The following TMEM156 variants were observed in gnomAD, a reference collection of about 807,000 sequenced individuals.
TMEM156 encodes transmembrane protein 156.
A neutral mutation model predicts 30.5 loss-of-function variants in TMEM156; 28 were observed. That is an observed-to-expected ratio of 0.92 (90% CI 0.68 to 1.26). The LOEUF (loss-of-function observed/expected upper bound fraction) is 1.26. Ranked by LOEUF, TMEM156 falls within the 50% of genes most tolerant of loss-of-function variation. The pLI, the probability that TMEM156 is intolerant of heterozygous loss-of-function variation, is 0.00. For synonymous variants in TMEM156, 137 were observed against 119.9 expected (o/e 1.14, Z -0.93); for missense variants, 351 against 340.6 (o/e 1.03, Z -0.24).
rs138999373 is a variant in TMEM156, at chr4:39,025,250, C to A, written c.88+6976G>T. The stretch of plus-strand genomic sequence containing the variant: ...GTAATCCCAGCTACTTGGCAGGCTG[C>A]GGCAGAAGAATCGCTTGAACATGGG... On this transcript the variant is annotated intron_variant, in intron 1 of 6. Transcript: ENST00000381938. 3.1e-3 allele frequency among the ~76,000 whole-genome samples: 444 copies of A among 145,076 alleles called. 4 individuals carry two copies. The highest frequency in any genetic ancestry group is 0.011 in the African/African-American group (427 of 39,524).
rs937612766 is a variant in TMEM156, at chr4:39,032,240, A to C, written c.74T>G (p.Phe25Cys). 121 of 1,604,762 alleles carry C rather than the reference A, an allele frequency of 7.5e-5. No individual in the cohort carries two copies. Among genetic ancestry groups the C allele is most frequent in the Non-Finnish European group, 9.6e-5 (113 of 1,173,610 alleles). Residue 25 changes from phenylalanine (F) to cysteine (C), a missense_variant, in exon 1 of 7, where the codon TTC becomes TGC. Transcript: ENST00000381938. ...TATATACTCACCTTTCGGTGTCTTG[A>C]AATATTCCGGCAAAATTAAAATGAA... ...ITFILILPEYFKTPKERTLEL... is the reference protein window; with the variant it reads ...ITFILILPEYCKTPKERTLEL...
rs186265177 is a variant in TMEM156 at position 38,993,050 on chromosome 4, C to T, written c.619+688G>A. On this transcript the variant is annotated intron_variant, in intron 3 of 6. Coordinates refer to ENST00000381938, the MANE Select transcript of TMEM156 (RefSeq NM_024943.3). ...TGCTGGGATTACAGGTGTGAGCCAC[C>T]GCACCCAGCCAATATTCATATTTTA... 3.9e-3 allele frequency among the ~76,000 whole-genome samples: 592 copies of T among 151,546 alleles called. 7 individuals carry two copies. The highest frequency in any genetic ancestry group is 0.014 in the African/African-American group (567 of 41,310).
At chr4:38,970,989 G>T in intron 6 of TMEM156, 43 bp downstream of exon 6, 1 of 1,282,234 alleles carries the variant, frequency 7.8e-7, no homozygotes, top group Non-Finnish European at 1.1e-6. Context: ...GAATTTATCT[G>T]TGTTTATAAT....
intron 6 of TMEM156, among the ~76,000 whole-genome samples, chr4:38,969,532 A>C (rs553287291): frequency 1.3e-5 from 2 of 152,334 alleles, no homozygotes; most frequent in South Asian, 4.1e-4. Context: ...TGCTACAATA[A>C]ACATGTGAGT....
At chr4:39,010,367 T>C (rs1560378899) in intron 1 of TMEM156, among the ~76,000 whole-genome samples, 1 of 152,120 alleles carries the variant, frequency 6.6e-6, no homozygotes, top group Non-Finnish European at 1.5e-5. Context: ...AAATTACCAA[T>C]GTCACTTTTC....
chr4:38,972,681 G>A (rs1230945184), intron 5 of TMEM156, among the ~76,000 whole-genome samples: 3 of 151,872 alleles, frequency 2.0e-5, no homozygotes, highest in African/African-American at 7.3e-5. Context: ...AATTTATTCT[G>A]AATGAGCCTG....
intron 5 of TMEM156, 84 bp downstream of exon 5, chr4:38,986,252 C>A: frequency 1.1e-6 from 1 of 945,400 alleles, no homozygotes; most frequent in South Asian, 1.3e-5. Context: ...GCTCAGATCT[C>A]AGATCTTGAG....
chr4:38,989,979 G>T (rs1712303679), intron 3 of TMEM156, among the ~76,000 whole-genome samples: 1 of 152,034 alleles, frequency 6.6e-6, no homozygotes, highest in African/African-American at 2.4e-5. Context: ...ATTTTTAGTA[G>T]AGATGGGGTT....
chr4:38,980,861 G>A, intron 5 of TMEM156: 1 of 895,462 alleles, frequency 1.1e-6, no homozygotes. Flanking sequence ...TGAAGGAGAT[G>A]TTTATGTGCA....
chr4:39,030,087 T>G (rs1243638422), intron 1 of TMEM156, among the ~76,000 whole-genome samples: 3 of 151,638 alleles, frequency 2.0e-5, no homozygotes, highest in Non-Finnish European at 4.4e-5. Context: ...TGTGGTGGTA[T>G]GTGCCTGTAG....
intron 1 of TMEM156, among the ~76,000 whole-genome samples, chr4:39,030,074 G>A (rs914002780): frequency 2.6e-5 from 4 of 151,734 alleles, no homozygotes; most frequent in Non-Finnish European, 5.9e-5. Flanking sequence ...AAATCCACCT[G>A]AGTGTGGTGG....
chr4:38,978,191 T>TA (rs1222033947), intron 5 of TMEM156, among the ~76,000 whole-genome samples: 4 of 152,122 alleles, frequency 2.6e-5, no homozygotes, highest in African/African-American at 7.2e-5. Flanking sequence ...CATTTTTTTT[T>TA]ATTCTCTTAT....
rs2109854350 is a variant in TMEM156, at chr4:38,970,982, T to A, written c.*38+50A>T. 1.1e-5 allele frequency: 13 copies of A among 1,237,632 alleles called. No individual in the cohort carries two copies. In the South Asian group the frequency reaches 1.7e-4, roughly 16 times the overall value. The allele number at this position is 1,237,632 out of a possible 1,614,324, so 76.7% of individuals were successfully genotyped here. ...TTGGGATCAACTGTGCATCCTTGAA[T>A]TTATCTGTGTTTATAATGAAGAAGT... On this transcript the variant is annotated intron_variant, in intron 6 of 6. Coordinates refer to ENST00000381938, the MANE Select transcript of TMEM156 (RefSeq NM_024943.3).
chr4:39,024,075 G>A (rs1008312157), intron 1 of TMEM156, among the ~76,000 whole-genome samples: 5 of 152,024 alleles, frequency 3.3e-5, no homozygotes, highest in Admixed American at 2.0e-4. Flanking sequence ...TCGCTGTTCC[G>A]CCCAGGCTGC....
intron 5 of TMEM156, among the ~76,000 whole-genome samples, chr4:38,973,907 T>C (rs943247741): frequency 4.6e-5 from 7 of 152,174 alleles, no homozygotes; most frequent in Admixed American, 3.9e-4. Context: ...GAAGTTTTAA[T>C]GAAAAATGCA....
Position 38,978,831 on chromosome 4 carries a change from G to A in TMEM156, c.823+7505C>T, listed in dbSNP as rs139231704. ...AGGGTCTCGCTCTGTCACCTAGGCC[G>A]GAGTGCAGAGGCACAATCACATCTC... is the stretch of plus-strand genomic sequence containing the variant. On this transcript the variant is annotated intron_variant, in intron 5 of 6. Transcript: ENST00000381938. Among the ~76,000 whole-genome samples, 59 of 152,036 alleles carry A rather than the reference G, an allele frequency of 3.9e-4. 1 individual carries two copies. Among genetic ancestry groups the A allele is most frequent in the South Asian group, 1.3e-3 (6 of 4,800 alleles).
intron 5 of TMEM156, among the ~76,000 whole-genome samples, chr4:38,983,201 C>T (rs1037852023): frequency 1.6e-4 from 24 of 152,244 alleles, no homozygotes; most frequent in East Asian, 5.8e-4. Context: ...TTATTTTCCA[C>T]GCTTAGTTTC....
In TMEM156 at chr4:38,983,744, G is replaced by C. The variant is rs146025481; in HGVS notation, c.823+2592C>G. On this transcript the variant is annotated intron_variant, in intron 5 of 6. Transcript: ENST00000381938. ...TTTTCAAAATCCCTTCTTCAAGACAGTCAATGTTTTTTATGATTCTTTGAT... is the reference window on the plus strand; with the variant it reads ...TTTTCAAAATCCCTTCTTCAAGACACTCAATGTTTTTTATGATTCTTTGAT... 1.8e-3 allele frequency among the ~76,000 whole-genome samples: 269 copies of C among 152,318 alleles called. 2 individuals are homozygous for C. The highest frequency in any genetic ancestry group is 6.2e-3 in the African/African-American group (259 of 41,582).
intron 5 of TMEM156, among the ~76,000 whole-genome samples, chr4:38,985,876 T>C (rs372954004): frequency 1.1e-3 from 174 of 152,358 alleles, no homozygotes; most frequent in African/African-American, 4.1e-3. Flanking sequence ...AATTCCCTTA[T>C]TCCATTTCTG....
Sources: allele counts gnomAD v4.1 joint callset (sites outside exome capture counted in the v4.1 genomes callset), GRCh38; gene constraint gnomAD v4.1.1; transcripts MANE v1.5; gene names NCBI Gene and HGNC (gene_info 2026-07-23, HGNC 2026-07-21).